MAMDC4: variants seen among roughly 807,000 people sequenced by gnomAD.
The protein encoded by MAMDC4 is apical endosomal glycoprotein.
In MAMDC4, 168 loss-of-function variants were observed where a neutral mutation model predicts 153.3. That is an observed-to-expected ratio of 1.10 (90% CI 0.97 to 1.25). MAMDC4 has a LOEUF of 1.25. MAMDC4 is among the 50% of genes most tolerant of loss of function. MAMDC4 has a pLI of 0.00. For missense variants in MAMDC4, 1,701 were observed against 1,542.8 expected, an observed-to-expected ratio of 1.10 and a Z score of -1.72; for synonymous variants, 744 against 651.5, an observed-to-expected ratio of 1.14 and a Z score of -2.16.
rs997453697 is a variant in MAMDC4, at chr9:136,857,696, A to G, written c.2364A>G (p.Leu788=). 4 of 1,612,042 alleles carry G rather than the reference A, an allele frequency of 2.5e-6. No individual in the cohort carries two copies. The highest frequency in any genetic ancestry group is 2.7e-5 in the African/African-American group (2 of 74,708). ...YMVVDTSPDA[L]PRGQTASLTS... ...TGGTGGACACAAGCCCAGACGCACT[A>G]CCCCGGGGCCAGACGGCCTCCCTGA... The change falls in exon 19 of 27, where the codon CTA becomes CTG. Residue 788 remains leucine, a synonymous_variant. Coordinates refer to ENST00000317446, the MANE Select transcript of MAMDC4 (RefSeq NM_206920.3).
Position 136,860,684 on chromosome 9 carries a change from C to T in MAMDC4, c.*81C>T, listed in dbSNP as rs1564390062. The T allele has an allele frequency of 2.0e-6, 3 of 1,513,156 alleles. No homozygotes were observed. Among genetic ancestry groups the T allele is most frequent in the South Asian group, 1.1e-5 (1 of 88,432 alleles). 93.7% of individuals were successfully genotyped at this position (1,513,156 alleles called of 1,614,324 possible). On this transcript the variant is annotated 3_prime_UTR_variant, in exon 27 of 27. Coordinates refer to ENST00000317446, the MANE Select transcript of MAMDC4 (RefSeq NM_206920.3). ...CTAGCCAGGGACCGGACACCTGCCC[C>T]GCCCAGGCTGGGACAGGCTGCAGGT...
Position 136,858,589 on chromosome 9 carries a change from C to G in MAMDC4, c.2821+43C>G, listed in dbSNP as rs761779486. ...CCAGGTGGGGAGGCACACACAGCCACCTGGCCTCCTGCTGCCCACCCACAG... is the reference window on the plus strand; with the variant it reads ...CCAGGTGGGGAGGCACACACAGCCAGCTGGCCTCCTGCTGCCCACCCACAG... On this transcript the variant is annotated intron_variant, in intron 22 of 26. Coordinates refer to ENST00000317446, the MANE Select transcript of MAMDC4 (RefSeq NM_206920.3). 5 of 1,567,802 alleles carry G rather than the reference C, an allele frequency of 3.2e-6. No individual in the cohort carries two copies. The Admixed American group carries it at 9.7e-5, about 30-fold the overall frequency.
At chr9:136,858,887 A>T (rs761953832) in intron 23 of MAMDC4, 34 bp downstream of exon 23, 2 of 1,590,720 alleles carry the variant, frequency 1.3e-6, no homozygotes, top group South Asian at 1.1e-5. Flanking sequence ...TGCCTGGGCA[A>T]CGGGGGCAGC....
At chr9:136,858,944 C>G in intron 23 of MAMDC4, 61 bp from the exon 24 acceptor site, 1 of 1,525,208 alleles carries the variant, frequency 6.6e-7, no homozygotes, top group Non-Finnish European at 8.8e-7. Context: ...CAGCCCGCCC[C>G]TGGTTAGGCG....
rs758483946 is a variant in MAMDC4, at chr9:136,854,962, G to T, written c.1049G>T (p.Gly350Val). 10 of 1,608,520 alleles carry T rather than the reference G, an allele frequency of 6.2e-6. No individual in the cohort carries two copies. Among genetic ancestry groups the T allele is most frequent in the Non-Finnish European group, 8.5e-6 (10 of 1,178,060 alleles). Reference sequence around the variant, plus strand: ...CTGGTCTTCTATCAGTACCTGAGTGGGTCTGAGGCTGGCTGCCTCCAGCTG... The same window carrying T: ...CTGGTCTTCTATCAGTACCTGAGTGTGTCTGAGGCTGGCTGCCTCCAGCTG... ...CSLVFYQYLSGSEAGCLQLFL... is the reference protein window; with the variant it reads ...CSLVFYQYLSVSEAGCLQLFL... The change falls in exon 10 of 27, where the codon GGG becomes GTG. Residue 350 changes from glycine (G) to valine (V), a missense_variant. Coordinates refer to ENST00000317446, the MANE Select transcript of MAMDC4 (RefSeq NM_206920.3).
At chr9:136,852,901 G>A (rs1848946242) in intron 1 of MAMDC4, among the ~76,000 whole-genome samples, 1 of 152,218 alleles carries the variant, frequency 6.6e-6, no homozygotes, top group Admixed American at 6.5e-5. Context: ...CCTCTTCAGG[G>A]CTGGAAACAG....
Position 136,858,717 on chromosome 9 carries a change from A to G in MAMDC4, c.2822-2A>G. On this transcript the variant is annotated splice_acceptor_variant, in intron 22 of 26. Transcript: ENST00000317446. LOFTEE classifies it high-confidence loss of function. ...TGGGCATCAGCCTCCTCTTGTTCCC[A>G]GGCCACTTTGCCTTCTTTGAAACTG... 6.2e-7 allele frequency: 1 copy of G among 1,612,046 alleles called. No individual in the cohort carries two copies. The highest frequency in any genetic ancestry group is 8.5e-7 in the Non-Finnish European group (1 of 1,179,708).
At chr9:136,860,403 C>T (rs891800282) in intron 26 of MAMDC4, among the ~76,000 whole-genome samples, 159 bp from the exon 27 acceptor site, 13 of 152,184 alleles carry the variant, frequency 8.5e-5, no homozygotes, top group Admixed American at 2.6e-4. Flanking sequence ...AACCTGTAAT[C>T]CCAACTACTC....
Position 136,858,873 on chromosome 9 carries a change from T to TG in MAMDC4, c.2956+23dup. On this transcript the variant is annotated intron_variant, in intron 23 of 26. Coordinates refer to ENST00000317446, the MANE Select transcript of MAMDC4 (RefSeq NM_206920.3). ...ACTTCTGTGAGTCCGGCTGGGCCAA[T>TG]GGGTGCCTGGGCAACGGGGGCAGCA... is the stretch of plus-strand genomic sequence containing the variant. 2 of 1,596,468 alleles carry TG rather than the reference T, an allele frequency of 1.3e-6. No homozygotes were observed. Among genetic ancestry groups the TG allele is most frequent in the Non-Finnish European group, 1.7e-6 (2 of 1,171,490 alleles).
chr9:136,854,970 G>C lies in MAMDC4; in HGVS notation c.1057G>C (p.Ala353Pro). Residue 353 changes from alanine (A) to proline (P), a missense_variant, in exon 10 of 27, where the codon GCT (alanine) becomes CCT (proline). Physicochemically the swap from Ala to Pro is conservative, Grantham distance 27 (BLOSUM62 -1). Transcript: ENST00000317446. ...CTATCAGTACCTGAGTGGGTCTGAGGCTGGCTGCCTCCAGCTGTTCCTGCA... is the reference window on the plus strand; with the variant it reads ...CTATCAGTACCTGAGTGGGTCTGAGCCTGGCTGCCTCCAGCTGTTCCTGCA... ...VFYQYLSGSE[A>P]GCLQLFLQTL... The C allele has an allele frequency of 6.2e-7, 1 of 1,607,840 alleles. No individual in the cohort carries two copies. The highest frequency in any genetic ancestry group is 8.5e-7 in the Non-Finnish European group (1 of 1,177,762).
Position 136,858,540 on chromosome 9 carries a change from G to A in MAMDC4, c.2815G>A (p.Glu939Lys), listed in dbSNP as rs1849041905. 2.5e-6 allele frequency: 4 copies of A among 1,580,180 alleles called. No homozygotes were observed. In the East Asian group the frequency reaches 9.1e-5, roughly 36 times the overall value. The change falls in exon 22 of 27, where the codon GAG becomes AAG. Residue 939 changes from glutamate to lysine, a missense_variant. Transcript: ENST00000317446. The stretch of plus-strand genomic sequence containing the variant: ...CCCTGTGGACCACACCCTGGGCACA[G>A]AGGCAGGTACGTGCCCACTGGAGCC... ...QPPVDHTLGT[E>K]AGHFAFFETG...
Position 136,853,445 on chromosome 9 carries a change from G to A in MAMDC4, c.315G>A (p.Leu105=). Residue 105 remains leucine (L), a synonymous_variant, in exon 3 of 27, where the codon CTG becomes CTA. Transcript: ENST00000317446. Reference sequence around the variant, plus strand: ...CTGGGCCTCACTCAGACCACACACTGGGCACCGACTTGGGTGAGGCCAGGG... The same window carrying A: ...CTGGGCCTCACTCAGACCACACACTAGGCACCGACTTGGGTGAGGCCAGGG... The part of the protein sequence containing the change: ...EGPGPHSDHT[L]GTDLGWYMAV... The A allele has an allele frequency of 4.4e-6, 7 of 1,602,426 alleles. No individual in the cohort carries two copies. Among genetic ancestry groups the A allele is most frequent in the Non-Finnish European group, 6.0e-6 (7 of 1,172,582 alleles).
chr9:136,857,983 C>A lies in MAMDC4; in HGVS notation c.2469C>A (p.Thr823=), dbSNP rs1210523138. ...WYHGSLRSPG[T]LRVYLEERGR... ...CTGGGCCGCCCCTGCTGGCAGGCACCCTGCGGGTCTACCTGGAGGAGCGCG... is the reference window on the plus strand; with the variant it reads ...CTGGGCCGCCCCTGCTGGCAGGCACACTGCGGGTCTACCTGGAGGAGCGCG... The change falls in exon 20 of 27, where the codon ACC becomes ACA. Residue 823 remains threonine, a synonymous_variant. Transcript: ENST00000317446. The A allele has an allele frequency of 6.6e-7, 1 of 1,509,240 alleles. No homozygotes were observed. The highest frequency in any genetic ancestry group is 1.2e-5 in the South Asian group (1 of 81,780). 93.5% of individuals were successfully genotyped at this position (1,509,240 alleles called of 1,614,324 possible).
At position 136,859,063 on chromosome 9, in the gene MAMDC4, C is replaced by G; in HGVS notation, c.3015C>G (p.Gly1005=). The change falls in exon 24 of 27, where the codon GGC becomes GGG. Residue 1005 remains glycine, a synonymous_variant. Transcript: ENST00000317446. ...CTCAGGGCCAGCTGGCTGTGTGGGG[C>G]GCAGGCGGGCATCGGCGGCACCAGT... ...HSAQGQLAVW[G]AGGHRRHQWL... 6.4e-7 allele frequency: 1 copy of G among 1,556,294 alleles called. No homozygotes were observed. Among genetic ancestry groups the G allele is most frequent in the Admixed American group, 1.9e-5 (1 of 51,338 alleles).
chr9:136,855,801 G>T lies in MAMDC4; in HGVS notation c.1541G>T (p.Arg514Leu). ...EDASVGRLQW[R>L]RVSAQESQGS... is the part of the protein sequence containing the mutation. ...GCCAGCGTGGGGCGGCTGCAGTGGC[G>T]GCGTGTCTCAGCCCAGGAGAGCCAG... The change falls in exon 13 of 27, where the codon CGG becomes CTG. Residue 514 changes from arginine to leucine, a missense_variant. By Grantham distance (102) the Arg-to-Leu change is moderately radical. Coordinates refer to ENST00000317446, the MANE Select transcript of MAMDC4 (RefSeq NM_206920.3). The T allele has an allele frequency of 6.5e-7, 1 of 1,545,392 alleles. No homozygotes were observed. Among genetic ancestry groups the T allele is most frequent in the Non-Finnish European group, 8.7e-7 (1 of 1,145,512 alleles).
At chr9:136,854,106 C>A (rs1281926434) in intron 6 of MAMDC4, 30 bp downstream of exon 6, 1 of 1,611,540 alleles carries the variant, frequency 6.2e-7, no homozygotes, top group Middle Eastern at 1.7e-4. Context: ...TGTTCCACCC[C>A]CGGGAGGGCC....
At position 136,858,786 on chromosome 9, in the gene MAMDC4, G is replaced by C. The variant is rs747923768; in HGVS notation, c.2889G>C (p.Glu963Asp). The C allele has an allele frequency of 5.6e-6, 9 of 1,610,398 alleles. No homozygotes were observed. Among genetic ancestry groups the C allele is most frequent in the Non-Finnish European group, 7.6e-6 (9 of 1,178,916 alleles). The change falls in exon 23 of 27, where the codon GAG (glutamate) becomes GAC (aspartate). Residue 963 changes from glutamate to aspartate, a missense_variant. By Grantham distance (45) the Glu-to-Asp change is conservative. Transcript: ENST00000317446. ...GCCGGGCCGCCTGGCTGCGCAGCGAGCCTCTGCCGGCCACCCCAGCCTCCT... is the reference window on the plus strand; with the variant it reads ...GCCGGGCCGCCTGGCTGCGCAGCGACCCTCTGCCGGCCACCCCAGCCTCCT... ...PGGRAAWLRS[E>D]PLPATPASCL...
chr9:136,852,515 GCC>G lies in MAMDC4; in HGVS notation c.46+54_46+55del, dbSNP rs565468986. ...CAGGACCAGGGGCCCTGGCTTCTGA[GCC>G]TACCATCTGTGTGGCAGTGACGGAC... is the stretch of plus-strand genomic sequence containing the variant. On this transcript the variant is annotated intron_variant, in intron 1 of 26. Coordinates refer to ENST00000317446, the MANE Select transcript of MAMDC4 (RefSeq NM_206920.3). 718 of 1,590,570 alleles carry G rather than the reference GCC, an allele frequency of 4.5e-4. 2 individuals are homozygous for G. In the African/African-American group the frequency reaches 8.9e-3, roughly 20 times the overall value.
intron 21 of MAMDC4, 41 bp downstream of exon 21, chr9:136,858,317 C>T: frequency 6.2e-7 from 1 of 1,600,458 alleles, no homozygotes; most frequent in South Asian, 1.1e-5. Context: ...TCTGGGGTGC[C>T]TGCCTAGCCC....
Sources: allele counts gnomAD v4.1 joint callset (sites outside exome capture counted in the v4.1 genomes callset), GRCh38; gene constraint gnomAD v4.1.1; transcripts MANE v1.5; gene names NCBI Gene and HGNC (gene_info 2026-07-23, HGNC 2026-07-21).